FER: variants seen among roughly 807,000 people sequenced by gnomAD.
The protein encoded by FER is tyrosine-protein kinase Fer.
In FER, 63 loss-of-function variants were observed where a neutral mutation model predicts 111.0. The ratio of observed to expected loss-of-function variants is 0.57; its 90% CI spans 0.46 to 0.70. The LOEUF is 0.70. Among genes scored for constraint, FER ranks in the 30% least tolerant of loss-of-function variants. The pLI, the probability that FER is intolerant of heterozygous loss-of-function variation, is 0.00. For synonymous variants in FER, 327 were observed against 313.9 expected (o/e 1.04, Z -0.44); for missense variants, 914 against 954.0 (o/e 0.96, Z 0.55).
intron 13 of FER, among the ~76,000 whole-genome samples, chr5:108,965,106 C>CT (rs1298123206): frequency 1.3e-5 from 2 of 151,960 alleles, no homozygotes; most frequent in Non-Finnish European, 2.9e-5. Flanking sequence ...ATTTAATTGG[C>CT]TTTTTTAAAT....
chr5:109,096,727 G>A (rs1157640917), intron 16 of FER, among the ~76,000 whole-genome samples: 1 of 151,770 alleles, frequency 6.6e-6, no homozygotes, highest in Admixed American at 6.6e-5. Flanking sequence ...CATTGATTGG[G>A]CTAAGCCAGT....
intron 16 of FER, among the ~76,000 whole-genome samples, chr5:109,055,345 G>A (rs1374765323): frequency 2.6e-5 from 4 of 152,146 alleles, no homozygotes; most frequent in African/African-American, 9.7e-5. Flanking sequence ...CTTCTGCACA[G>A]CAAAGGAAAC....
intron 13 of FER, among the ~76,000 whole-genome samples, chr5:109,019,729 C>A (rs1377952851): frequency 6.6e-6 from 1 of 151,754 alleles, no homozygotes; most frequent in African/African-American, 2.4e-5. Flanking sequence ...TCATTCATTT[C>A]TTCTAGCATT....
intron 3 of FER, among the ~76,000 whole-genome samples, chr5:108,813,511 G>C (rs1357136062): frequency 1.3e-5 from 2 of 152,036 alleles, no homozygotes. Flanking sequence ...TCAGGACCCT[G>C]ATTACGTATG....
intron 16 of FER, among the ~76,000 whole-genome samples, chr5:109,099,224 C>G (rs1167551676): frequency 6.6e-6 from 1 of 150,984 alleles, no homozygotes; most frequent in Non-Finnish European, 1.5e-5. Flanking sequence ...AAAAATAAGC[C>G]AAAGCTTTGA....
At chr5:109,052,854 T>C (rs1183395242) in intron 16 of FER, among the ~76,000 whole-genome samples, 1 of 152,196 alleles carries the variant, frequency 6.6e-6, no homozygotes, top group East Asian at 1.9e-4. Flanking sequence ...TAAATTTTCC[T>C]AAAGGCTGTT....
intron 13 of FER, among the ~76,000 whole-genome samples, chr5:109,018,399 C>T (rs947308780): frequency 1.3e-5 from 2 of 151,824 alleles, no homozygotes; most frequent in Non-Finnish European, 2.9e-5. Context: ...TAATTGATAT[C>T]TTACCATTGG....
At chr5:109,172,498 G>GGGGGAGC (rs1757236151) in intron 17 of FER, among the ~76,000 whole-genome samples, 1 of 75,818 alleles carries the variant, frequency 1.3e-5, no homozygotes, top group Non-Finnish European at 2.6e-5. Flanking sequence ...GTGGGGGGAG[G>GGGGGAGC]GGGGAGGGAT....
At chr5:109,164,802 C>T (rs1210078977) in intron 17 of FER, among the ~76,000 whole-genome samples, 2 of 152,074 alleles carry the variant, frequency 1.3e-5, no homozygotes, top group African/African-American at 2.4e-5. Flanking sequence ...TGTATGTGAA[C>T]AGGAGAGCAA....
chr5:109,124,104 C>T lies in FER; in HGVS notation c.2048+23585C>T, dbSNP rs549538468. ...AATAGCAGGGCATGATGGTGTGTGT[C>T]TGTAATCCCAGCTACAAAAGGCTGA... is the stretch of plus-strand genomic sequence containing the variant. On this transcript the variant is annotated intron_variant, in intron 17 of 19. Coordinates refer to ENST00000281092, the MANE Select transcript of FER (RefSeq NM_005246.4). 1.5e-4 allele frequency among the ~76,000 whole-genome samples: 23 copies of T among 152,156 alleles called. No homozygotes were observed. In the South Asian group the frequency reaches 1.7e-3, roughly 11 times the overall value.
At chr5:109,155,508 G>A (rs989055471) in intron 17 of FER, among the ~76,000 whole-genome samples, 1 of 151,820 alleles carries the variant, frequency 6.6e-6, no homozygotes, top group Non-Finnish European at 1.5e-5. Context: ...TGCTTGGAGT[G>A]GGTTTCCTGG....
At chr5:108,903,224 T>C (rs1188892780) in intron 10 of FER, among the ~76,000 whole-genome samples, 1 of 152,226 alleles carries the variant, frequency 6.6e-6, no homozygotes, top group African/African-American at 2.4e-5. Context: ...AAATTGCACA[T>C]TTTGTTTAAG....
intron 17 of FER, among the ~76,000 whole-genome samples, chr5:109,113,912 G>A (rs1004002424): frequency 2.6e-5 from 4 of 151,990 alleles, no homozygotes; most frequent in African/African-American, 4.8e-5. Flanking sequence ...ATATGTAAGG[G>A]AAAAGCCATG....
intron 13 of FER, among the ~76,000 whole-genome samples, chr5:108,975,963 C>T (rs1203339947): frequency 6.6e-6 from 1 of 152,104 alleles, no homozygotes; most frequent in African/African-American, 2.4e-5. Context: ...ATATATGTGA[C>T]ATTTCCAAAT....
At chr5:109,065,240 GAT>G (rs1231809970) in intron 16 of FER, among the ~76,000 whole-genome samples, 2 of 151,992 alleles carry the variant, frequency 1.3e-5, no homozygotes, top group East Asian at 3.8e-4. Context: ...GTTTTTCCAA[GAT>G]TAAAAGACAA....
At position 109,002,209 on chromosome 5, in the gene FER, C is replaced by T. The variant is rs186635118; in HGVS notation, c.1657-35213C>T. On this transcript the variant is annotated intron_variant, in intron 13 of 19. Transcript: ENST00000281092. ...AACAAAGCTGGAGGCATCACGCTAC[C>T]TGACTTCAAACTATACTACAAGGCT... Among the ~76,000 whole-genome samples the T allele has an allele frequency of 4.9e-3, 749 of 151,986 alleles. 11 individuals carry two copies. Among genetic ancestry groups the T allele is most frequent in the African/African-American group, 0.017 (710 of 41,404 alleles).
chr5:109,059,065 C>A (rs954719277), intron 16 of FER, among the ~76,000 whole-genome samples: 5 of 151,920 alleles, frequency 3.3e-5, no homozygotes, highest in Non-Finnish European at 7.4e-5. Flanking sequence ...TCAAGTTAAA[C>A]CTTGGTAACA....
chr5:108,781,919 G>GT (rs147939937), intron 2 of FER, among the ~76,000 whole-genome samples: 6,313 of 146,852 alleles, frequency 0.043, 177 homozygotes, highest in Middle Eastern at 0.089. Flanking sequence ...AAGTAATAGG[G>GT]TTTTTTTTTT....
chr5:108,798,485 C>A, intron 3 of FER, 96 bp downstream of exon 3: 2 of 909,490 alleles, frequency 2.2e-6, no homozygotes, highest in Non-Finnish European at 3.4e-6. Flanking sequence ...CTTAAGTCAG[C>A]ATTCTAAAGC....
Sources: gnomAD v4.1 joint callset for allele counts (sites outside exome capture counted in the v4.1 genomes callset) on GRCh38, gnomAD v4.1.1 for gene constraint, MANE v1.5 for transcripts, NCBI Gene and HGNC (gene_info 2026-07-23, HGNC 2026-07-21) for gene names.